Variants in PPP6C observed in about 807,000 individuals in gnomAD.
PPP6C encodes the protein serine/threonine-protein phosphatase 6 catalytic subunit.
PPP6C carries 11 observed loss-of-function variants against 39.8 expected under a neutral mutation model. The observed-to-expected ratio is 0.28, with a 90% CI of 0.17 to 0.46. The LOEUF is 0.46. Ranked by LOEUF, PPP6C falls within the 20% of genes least tolerant of loss-of-function variation. The probability of loss-of-function intolerance (pLI) is 1.00; values close to 1 mark genes in which losing one functional copy is unlikely to be tolerated. For synonymous variants in PPP6C, 129 were observed against 130.3 expected (o/e 0.99, Z 0.07); for missense variants, 211 against 373.9 (o/e 0.56, Z 3.59).
chr9:125,181,645 T>A (rs527824827), intron 1 of PPP6C, among the ~76,000 whole-genome samples: 1 of 152,344 alleles, frequency 6.6e-6, no homozygotes, highest in East Asian at 1.9e-4. Context: ...TTCATCCATG[T>A]CCCTGCAAAG....
In PPP6C at chr9:125,154,641, T is replaced by C. The variant is rs1204348854; in HGVS notation, c.380-656A>G. Among the ~76,000 whole-genome samples, 3 of 152,346 alleles carry C rather than the reference T, an allele frequency of 2.0e-5. No homozygotes were observed. The East Asian group carries it at 5.8e-4, about 29-fold the overall frequency. On this transcript the variant is annotated intron_variant, in intron 4 of 6. Transcript: ENST00000373547. ...AATGTTTTAACAGTTATGTTAATAT[T>C]AGGCAATTCTGGTAAGCAGATAAAT...
At chr9:125,188,793 C>CAATAAT (rs57163595) in intron 1 of PPP6C, 47,068 of 254,884 alleles carry the variant, frequency 0.18, 5,144 homozygotes, top group East Asian at 0.27. Flanking sequence ...CAGTTAAAAA[C>CAATAAT]AATAATAATA....
intron 4 of PPP6C, among the ~76,000 whole-genome samples, chr9:125,154,979 C>T (rs149975452): frequency 1.9e-4 from 29 of 152,328 alleles, no homozygotes; most frequent in African/African-American, 6.0e-4. Context: ...GCGATCACAG[C>T]TCACTGCAAC....
At chr9:125,189,456 G>A (rs1829613564) in intron 1 of PPP6C, 188 bp downstream of exon 1, 2 of 1,419,848 alleles carry the variant, frequency 1.4e-6, no homozygotes, top group Non-Finnish European at 1.9e-6. Flanking sequence ...TGAGGCAACC[G>A]GGACAGCATT....
At position 125,149,736 on chromosome 9, in the gene PPP6C, G is replaced by A. The variant is rs1835892848; in HGVS notation, c.855C>T (p.Phe285=). Residue 285 remains phenylalanine (F), a synonymous_variant, in exon 7 of 7, where the codon TTC becomes TTT. Transcript: ENST00000373547. The part of the protein sequence containing the change: ...KDVNTREPKL[F]RAVPDSERVI... Reference sequence around the variant, plus strand: ...CACGTTCTGAATCTGGAACTGCCCGGAATAACTTTGGTTCTCTTGTATTTA... The same window carrying A: ...CACGTTCTGAATCTGGAACTGCCCGAAATAACTTTGGTTCTCTTGTATTTA... 1.2e-6 allele frequency: 2 copies of A among 1,614,004 alleles called. No homozygotes were observed. Among genetic ancestry groups the A allele is most frequent in the Admixed American group, 1.7e-5 (1 of 59,998 alleles).
At chr9:125,171,972 C>T (rs1043510872) in intron 1 of PPP6C, 4 of 466,782 alleles carry the variant, frequency 8.6e-6, no homozygotes, top group Admixed American at 2.4e-5. Context: ...TATAAATACT[C>T]GCAGAAGCCT....
chr9:125,146,587 T>A lies in PPP6C; in HGVS notation c.*3086A>T, dbSNP rs1835819629. 1 of 152,132 alleles carries A rather than the reference T, an allele frequency of 6.6e-6. No homozygotes were observed. The highest frequency in any genetic ancestry group is 1.5e-5 in the Non-Finnish European group (1 of 68,024). The allele number at this position is 152,132 out of a possible 1,614,324, so 9.4% of individuals were successfully genotyped here. A position where few individuals can be genotyped will look rare whatever the true frequency, so the allele number is the denominator to read the frequency against. ...AAGCAACCAAGTGGAGGAATAAGCA[T>A]TTTTTAATTTCTTATATAAAATGCT... is the stretch of plus-strand genomic sequence containing the variant. On this transcript the variant is annotated 3_prime_UTR_variant, in exon 7 of 7. Transcript: ENST00000373547.
At chr9:125,185,018 T>C (rs1228301249) in intron 1 of PPP6C, among the ~76,000 whole-genome samples, 1 of 147,924 alleles carries the variant, frequency 6.8e-6, no homozygotes, top group African/African-American at 2.5e-5. Context: ...CCTTAAGAAC[T>C]GTCCAAGAGA....
At chr9:125,171,466 CACACACACACACATATATATAT>C (rs1259697162) in intron 1 of PPP6C, among the ~76,000 whole-genome samples, 1,018 of 85,518 alleles carry the variant, frequency 0.012, 10 homozygotes, top group African/African-American at 0.036. Context: ...CATATACACA[CACACACACACACATATATATAT>C]ATATATATAT....
chr9:125,158,755 G>A (rs547818755), intron 3 of PPP6C, among the ~76,000 whole-genome samples: 68 of 151,656 alleles, frequency 4.5e-4, no homozygotes, highest in African/African-American at 1.6e-3. Flanking sequence ...TCCGCCTCCC[G>A]GGTTCAAGCG....
intron 1 of PPP6C, among the ~76,000 whole-genome samples, chr9:125,175,705 A>T (rs1396952712): frequency 6.6e-6 from 1 of 152,138 alleles, no homozygotes; most frequent in African/African-American, 2.4e-5. Context: ...AGATAATAAA[A>T]GATGTTACTT....
intron 1 of PPP6C, among the ~76,000 whole-genome samples, chr9:125,179,345 T>C (rs577964191): frequency 6.6e-6 from 1 of 152,340 alleles, no homozygotes; most frequent in East Asian, 1.9e-4. Context: ...AAGCAAAAGC[T>C]TTTAATTTTA....
chr9:125,160,788 G>A (rs1828853087), intron 3 of PPP6C, 53 bp downstream of exon 3: 1 of 1,262,314 alleles, frequency 7.9e-7, no homozygotes, highest in Non-Finnish European at 1.1e-6. Context: ...CATTTAATAA[G>A]TCAGATCCTT....
At chr9:125,151,134 C>T in intron 6 of PPP6C, 1 of 1,384,810 alleles carries the variant, frequency 7.2e-7, no homozygotes, top group South Asian at 1.2e-5. Flanking sequence ...AGCAGAAGAA[C>T]TGCACTATTG....
rs182325895 is a variant in PPP6C at position 125,187,227 on chromosome 9, G to A, written c.75+2417C>T. Among the ~76,000 whole-genome samples, 103 of 151,770 alleles carry A rather than the reference G, an allele frequency of 6.8e-4. 2 individuals carry two copies. Among genetic ancestry groups the A allele is most frequent in the African/African-American group, 2.3e-3 (95 of 41,236 alleles). On this transcript the variant is annotated intron_variant, in intron 1 of 6. Coordinates refer to ENST00000373547, the MANE Select transcript of PPP6C (RefSeq NM_002721.5). ...CACCCAAAGTGCTGGGATTACAGGCGTGAGCCACTGCACCTGGCCAGATTA... is the reference window on the plus strand; with the variant it reads ...CACCCAAAGTGCTGGGATTACAGGCATGAGCCACTGCACCTGGCCAGATTA...
At chr9:125,152,645 A>G (rs550176472) in intron 6 of PPP6C, among the ~76,000 whole-genome samples, 45 of 152,152 alleles carry the variant, frequency 3.0e-4, no homozygotes, top group South Asian at 1.9e-3. Context: ...AGCCTCACCA[A>G]CATGGTGAAA....
At chr9:125,151,066 G>C (rs1349354507) in intron 6 of PPP6C, 3 of 1,338,704 alleles carry the variant, frequency 2.2e-6, no homozygotes, top group Non-Finnish European at 3.2e-6. Flanking sequence ...TGATAACCCA[G>C]TGGACTATCT....
chr9:125,175,769 T>C (rs1039968864), intron 1 of PPP6C, among the ~76,000 whole-genome samples: 1 of 152,158 alleles, frequency 6.6e-6, no homozygotes, highest in Non-Finnish European at 1.5e-5. Context: ...CACTACATTA[T>C]ATTGAATATT....
chr9:125,154,852 G>A (rs2131301394), intron 4 of PPP6C, among the ~76,000 whole-genome samples: 1 of 152,238 alleles, frequency 6.6e-6, no homozygotes, highest in Non-Finnish European at 1.5e-5. Context: ...TTGCCAATCA[G>A]GTTCTTACAA....
Sources: allele counts gnomAD v4.1 joint callset (sites outside exome capture counted in the v4.1 genomes callset), GRCh38; gene constraint gnomAD v4.1.1; transcripts MANE v1.5; gene names NCBI Gene and HGNC (gene_info 2026-07-23, HGNC 2026-07-21).